Variants in TPO observed in about 807,000 individuals in gnomAD.
TPO encodes thyroid peroxidase, also known as thyroid microsomal antigen.
TPO carries 78 observed loss-of-function variants against 96.9 expected under a neutral mutation model. That is an observed-to-expected ratio of 0.81 (90% CI 0.67 to 0.97). The LOEUF (loss-of-function observed/expected upper bound fraction) is 0.97, where lower values mean the gene tolerates loss of function less well. Among genes scored for constraint, TPO ranks in the 50% least tolerant of loss-of-function variants. The pLI, the probability that TPO is intolerant of heterozygous loss-of-function variation, is 0.00. For synonymous variants in TPO, 547 were observed against 538.0 expected, an observed-to-expected ratio of 1.02 and a Z score of -0.23; for missense variants, 1,252 against 1,274.8, an observed-to-expected ratio of 0.98 and a Z score of 0.27.
intron 14 of TPO, among the ~76,000 whole-genome samples, chr2:1,516,218 C>G (rs1255562050): frequency 2.0e-5 from 3 of 152,176 alleles, no homozygotes; most frequent in Admixed American, 6.5e-5. Flanking sequence ...TGGGCTGCCT[C>G]TCTCCTCTGT....
intron 3 of TPO, among the ~76,000 whole-genome samples, chr2:1,429,481 G>A (rs1664765150): frequency 6.6e-6 from 1 of 152,244 alleles, no homozygotes; most frequent in Non-Finnish European, 1.5e-5. Context: ...TGAAATTGTG[G>A]CAGTGGCTTT....
At chr2:1,518,998 A>G (rs149000483) in intron 15 of TPO, among the ~76,000 whole-genome samples, 152 of 152,270 alleles carry the variant, frequency 1.0e-3, no homozygotes, top group Middle Eastern at 3.4e-3. Flanking sequence ...AAGAGTTTGG[A>G]CAGAGTCATG....
At chr2:1,538,370 G>A (rs560017060) in intron 15 of TPO, among the ~76,000 whole-genome samples, 4 of 152,234 alleles carry the variant, frequency 2.6e-5, no homozygotes, top group South Asian at 2.1e-4. Context: ...GAAGAAGATC[G>A]AATTCAAATG....
At chr2:1,518,291 C>T (rs1293410256) in intron 15 of TPO, among the ~76,000 whole-genome samples, 2 of 152,246 alleles carry the variant, frequency 1.3e-5, no homozygotes, top group East Asian at 1.9e-4. Context: ...CTTTTTCTTA[C>T]AGTCTTTGCA....
At chr2:1,428,745 G>T (rs1478126861) in intron 3 of TPO, among the ~76,000 whole-genome samples, 2 of 152,198 alleles carry the variant, frequency 1.3e-5, no homozygotes, top group African/African-American at 4.8e-5. Context: ...TTAGCCAAAT[G>T]TCTTGCTCAG....
Position 1,443,190 on chromosome 2 carries a change from G to C in TPO, c.482+6806G>C, listed in dbSNP as rs1666362312. ...GGAGCCAGCTCCTTCTTGTTGTATGGTGTAGGCAATGCCGCAGGAGGTACC... is the reference window on the plus strand; with the variant it reads ...GGAGCCAGCTCCTTCTTGTTGTATGCTGTAGGCAATGCCGCAGGAGGTACC... On this transcript the variant is annotated intron_variant, in intron 5 of 16. Coordinates refer to ENST00000329066, the MANE Select transcript of TPO (RefSeq NM_001206744.2). 2.0e-5 allele frequency among the ~76,000 whole-genome samples: 3 copies of C among 152,220 alleles called. No homozygotes were observed. The South Asian group carries it at 6.2e-4, about 32-fold the overall frequency.
At chr2:1,509,946 T>C (rs887165841) in intron 14 of TPO, among the ~76,000 whole-genome samples, 2 of 151,434 alleles carry the variant, frequency 1.3e-5, no homozygotes, top group African/African-American at 2.4e-5. Flanking sequence ...ACACCCCCCC[T>C]CTTCTTTCAG....
intron 15 of TPO, among the ~76,000 whole-genome samples, chr2:1,537,048 A>C (rs1160707757): frequency 2.6e-5 from 1 of 38,864 alleles, no homozygotes. Flanking sequence ...ACTGTGTGCA[A>C]CCTCCCCAAA....
rs1217410791 is a variant in TPO, at chr2:1,477,419, A to T, written c.1153A>T (p.Thr385Ser). 1.8e-5 allele frequency: 27 copies of T among 1,523,580 alleles called. No homozygotes were observed. The highest frequency in any genetic ancestry group is 2.3e-5 in the Non-Finnish European group (26 of 1,139,438). The allele number at this position is 1,523,580 out of a possible 1,614,324, so 94.4% of individuals were successfully genotyped here. ...CAPEPGIPGE[T>S]RGPCFLAGDG... is the part of the protein sequence containing the mutation. Reference sequence around the variant, plus strand: ...GCCCGAGCCCGGCATCCCCGGAGAGACCCGCGGGCCCTGCTTCCTGGCCGG... The same window carrying T: ...GCCCGAGCCCGGCATCCCCGGAGAGTCCCGCGGGCCCTGCTTCCTGGCCGG... Residue 385 changes from threonine to serine, a missense_variant, in exon 8 of 17, where the codon ACC (threonine) becomes TCC (serine). By Grantham distance (58) the Thr-to-Ser change is moderately conservative. Coordinates refer to ENST00000329066, the MANE Select transcript of TPO (RefSeq NM_001206744.2).
At chr2:1,442,185 T>A (rs957173664) in intron 5 of TPO, among the ~76,000 whole-genome samples, 1 of 152,228 alleles carries the variant, frequency 6.6e-6, no homozygotes, top group African/African-American at 2.4e-5. Context: ...GACTCAGGTA[T>A]GTCTTTATCA....
At chr2:1,468,963 C>A (rs1249419245) in intron 7 of TPO, among the ~76,000 whole-genome samples, 1 of 152,132 alleles carries the variant, frequency 6.6e-6, no homozygotes, top group Non-Finnish European at 1.5e-5. Flanking sequence ...TGTCTTTGAG[C>A]TCTGAAGTTT....
At chr2:1,405,755 A>G (rs2148381626) in intron 1 of TPO, among the ~76,000 whole-genome samples, 1 of 152,352 alleles carries the variant, frequency 6.6e-6, no homozygotes, top group Admixed American at 6.5e-5. Context: ...GTTAGGAAGA[A>G]CATCTTATTC....
chr2:1,541,312 C>CCCTT, intron 16 of TPO: 1 of 454,514 alleles, frequency 2.2e-6, no homozygotes, highest in Non-Finnish European at 3.0e-6. Flanking sequence ...CGGCATGGGG[C>CCCTT]GCACGCTTCC....
At chr2:1,506,949 AGTCCTTG>A (rs1330623451) in intron 14 of TPO, among the ~76,000 whole-genome samples, 1 of 152,002 alleles carries the variant, frequency 6.6e-6, no homozygotes, top group Admixed American at 6.6e-5. Context: ...TTAGACATGA[AGTCCTTG>A]CCCATGCCTA....
At chr2:1,470,924 A>G (rs1179277571) in intron 7 of TPO, among the ~76,000 whole-genome samples, 1 of 152,208 alleles carries the variant, frequency 6.6e-6, no homozygotes, top group South Asian at 2.1e-4. Flanking sequence ...TAGATTTCCA[A>G]CGCAGTGCCA....
chr2:1,504,223 G>C (rs1416949676), intron 14 of TPO, 144 bp downstream of exon 14: 2 of 1,464,756 alleles, frequency 1.4e-6, no homozygotes, highest in East Asian at 2.4e-5. Context: ...CACGGTGCCC[G>C]AGGGGCGTCT....
chr2:1,526,630 A>G (rs1676570319), intron 15 of TPO, among the ~76,000 whole-genome samples: 1 of 138,016 alleles, frequency 7.2e-6, no homozygotes, highest in Admixed American at 7.3e-5. Flanking sequence ...ACCTCCCCAA[A>G]TCTCCCCAGT....
At chr2:1,386,413 A>G (rs1661896113) in intron 1 of TPO, among the ~76,000 whole-genome samples, 1 of 152,156 alleles carries the variant, frequency 6.6e-6, no homozygotes, top group African/African-American at 2.4e-5. Context: ...TTAGGTGCAT[A>G]TATATTTAGG....
chr2:1,517,505 A>G (rs116377264), intron 15 of TPO, among the ~76,000 whole-genome samples: 3,187 of 152,174 alleles, frequency 0.021, 49 homozygotes, highest in Admixed American at 0.035. Flanking sequence ...AGGCTTCCTC[A>G]GGTGCGGCAG....
Sources: gnomAD v4.1 joint callset for allele counts (sites outside exome capture counted in the v4.1 genomes callset) on GRCh38, gnomAD v4.1.1 for gene constraint, MANE v1.5 for transcripts, NCBI Gene and HGNC (gene_info 2026-07-23, HGNC 2026-07-21) for gene names.